Variants in ANKS1B observed in about 807,000 individuals in gnomAD.
ANKS1B encodes ankyrin repeat and sterile alpha motif domain-containing protein 1B.
A neutral mutation model predicts 148.3 loss-of-function variants in ANKS1B; 36 were observed. The observed-to-expected ratio is 0.24, with a 90% CI of 0.19 to 0.32. The LOEUF (loss-of-function observed/expected upper bound fraction) is 0.32. Ranked by LOEUF, ANKS1B falls within the 10% of genes least tolerant of loss-of-function variation. The pLI is 1.00. For missense variants in ANKS1B, 1,157 were observed against 1,542.6 expected (o/e 0.75, Z 4.19); for synonymous variants, 542 against 560.8 (o/e 0.97, Z 0.47).
At chr12:98,811,202 C>A (rs1296847960) in intron 19 of ANKS1B, among the ~76,000 whole-genome samples, 1 of 152,174 alleles carries the variant, frequency 6.6e-6, no homozygotes, top group Non-Finnish European at 1.5e-5. Context: ...GCAGGTCCTC[C>A]CACTGCACAG....
At chr12:99,807,160 A>C (rs937019296) in intron 3 of ANKS1B, among the ~76,000 whole-genome samples, 5 of 152,242 alleles carry the variant, frequency 3.3e-5, no homozygotes, top group Non-Finnish European at 7.3e-5. Flanking sequence ...TTCCCAAATT[A>C]AGTTTCATTT....
intron 17 of ANKS1B, among the ~76,000 whole-genome samples, chr12:99,027,320 C>G (rs188943153): frequency 6.6e-6 from 1 of 152,134 alleles, no homozygotes; most frequent in African/African-American, 2.4e-5. Flanking sequence ...TTTAAGCACA[C>G]AGTAAAAAAC....
At chr12:98,901,794 T>C (rs1417863415) in intron 17 of ANKS1B, among the ~76,000 whole-genome samples, 1 of 152,118 alleles carries the variant, frequency 6.6e-6, no homozygotes, top group Non-Finnish European at 1.5e-5. Context: ...TGGGAAAGGC[T>C]CTCTGGGTGG....
intron 12 of ANKS1B, among the ~76,000 whole-genome samples, chr12:99,283,141 T>C (rs956780359): frequency 6.6e-6 from 1 of 152,052 alleles, no homozygotes; most frequent in African/African-American, 2.4e-5. Context: ...AAGTGAAAAA[T>C]ACAGAAAATA....
At chr12:98,947,213 A>T (rs1318391253) in intron 17 of ANKS1B, among the ~76,000 whole-genome samples, 1 of 152,184 alleles carries the variant, frequency 6.6e-6, no homozygotes, top group Non-Finnish European at 1.5e-5. Context: ...GGGGAACCAC[A>T]GAAGGCTTTT....
At chr12:99,904,989 C>G (rs2153776912) in intron 1 of ANKS1B, among the ~76,000 whole-genome samples, 1 of 152,208 alleles carries the variant, frequency 6.6e-6, no homozygotes, top group Non-Finnish European at 1.5e-5. Context: ...ATTTGTTGAA[C>G]TAAAAGAAAA....
Position 99,016,030 on chromosome 12 carries a change from A to T in ANKS1B, c.2778+37127T>A, listed in dbSNP as rs1343534687. 2.6e-5 allele frequency among the ~76,000 whole-genome samples: 4 copies of T among 152,234 alleles called. No individual in the cohort carries two copies. The East Asian group carries it at 7.7e-4, about 29-fold the overall frequency. On this transcript the variant is annotated intron_variant, in intron 17 of 26. Transcript: ENST00000683438. The stretch of plus-strand genomic sequence containing the variant: ...TCCTAATAGAACTATACCAGGCTTT[A>T]CATGATTGGTAGTCTTCGTTCTTCA...
intron 14 of ANKS1B, among the ~76,000 whole-genome samples, chr12:99,189,461 C>T (rs1161262958): frequency 6.6e-6 from 1 of 152,104 alleles, no homozygotes; most frequent in Non-Finnish European, 1.5e-5. Flanking sequence ...ACTGGCAAAC[C>T]GAATCCAGCA....
intron 17 of ANKS1B, among the ~76,000 whole-genome samples, chr12:98,844,204 T>A (rs185416557): frequency 6.0e-4 from 92 of 152,358 alleles, no homozygotes; most frequent in African/African-American, 2.2e-3. Flanking sequence ...CGTCTCTCAG[T>A]ATCACCTAAC....
chr12:99,273,845 A>T (rs1421738354), intron 12 of ANKS1B, among the ~76,000 whole-genome samples: 1 of 151,986 alleles, frequency 6.6e-6, no homozygotes, highest in Non-Finnish European at 1.5e-5. Context: ...TCGGCCTCCC[A>T]AAGTGCTGGG....
In ANKS1B at chr12:99,203,730, C is replaced by T. The variant is rs1352007943; in HGVS notation, c.2419+40612G>A. On this transcript the variant is annotated intron_variant, in intron 14 of 26. Coordinates refer to ENST00000683438, the MANE Select transcript of ANKS1B (RefSeq NM_001352186.2). ...CCTCCCAAAGTGCTGGGATTACAGG[C>T]GTGAGCCACTGCACCCGGCCAAGAC... 2.6e-5 allele frequency among the ~76,000 whole-genome samples: 4 copies of T among 152,182 alleles called. No homozygotes were observed. In the East Asian group the frequency reaches 5.8e-4, roughly 22 times the overall value.
chr12:98,940,539 G>C (rs2099835104), intron 17 of ANKS1B, among the ~76,000 whole-genome samples: 1 of 152,112 alleles, frequency 6.6e-6, no homozygotes, highest in Non-Finnish European at 1.5e-5. Context: ...GTAGCTTCCT[G>C]TGCTTGTCTC....
intron 17 of ANKS1B, among the ~76,000 whole-genome samples, chr12:98,993,030 T>C (rs2099927537): frequency 1.3e-5 from 2 of 152,252 alleles, no homozygotes; most frequent in South Asian, 2.1e-4. Flanking sequence ...TATTTGTATA[T>C]AAGAGAATAT....
At chr12:99,068,026 T>A (rs1361935178) in intron 16 of ANKS1B, among the ~76,000 whole-genome samples, 1 of 152,146 alleles carries the variant, frequency 6.6e-6, no homozygotes, top group Non-Finnish European at 1.5e-5. Context: ...TTAGTAGTTA[T>A]TATTTATTTA....
intron 8 of ANKS1B, among the ~76,000 whole-genome samples, chr12:99,674,439 AAAG>A (rs1401948859): frequency 6.6e-6 from 1 of 151,860 alleles, no homozygotes; most frequent in Non-Finnish European, 1.5e-5. Flanking sequence ...CTATAAAATA[AAAG>A]AAAGAAGAGA....
At chr12:99,461,365 A>T (rs1413771918) in intron 10 of ANKS1B, among the ~76,000 whole-genome samples, 1 of 152,170 alleles carries the variant, frequency 6.6e-6, no homozygotes, top group East Asian at 1.9e-4. Flanking sequence ...AATCTCAGAA[A>T]TCACCACTAA....
At chr12:99,327,245 T>A (rs12581236) in intron 12 of ANKS1B, among the ~76,000 whole-genome samples, 11,453 of 108,956 alleles carry the variant, frequency 0.11, 1,636 homozygotes, top group African/African-American at 0.33. Flanking sequence ...ATAATTATAA[T>A]TTATTATAAT....
Position 99,194,079 on chromosome 12 carries a change from C to T in ANKS1B, c.2420-39684G>A, listed in dbSNP as rs139421730. 2.9e-3 allele frequency among the ~76,000 whole-genome samples: 443 copies of T among 152,098 alleles called. 5 individuals are homozygous for T. Among genetic ancestry groups the T allele is most frequent in the African/African-American group, 9.4e-3 (389 of 41,492 alleles). ...CCTCTCAAAGTGCTGGGATTACAGGCATGAGCCACTGCACCCAGCCATATT... is the reference window on the plus strand; with the variant it reads ...CCTCTCAAAGTGCTGGGATTACAGGTATGAGCCACTGCACCCAGCCATATT... On this transcript the variant is annotated intron_variant, in intron 14 of 26. Coordinates refer to ENST00000683438, the MANE Select transcript of ANKS1B (RefSeq NM_001352186.2).
intron 12 of ANKS1B, among the ~76,000 whole-genome samples, chr12:99,303,441 A>AG (rs1477510953): frequency 6.6e-6 from 1 of 152,122 alleles, no homozygotes; most frequent in Non-Finnish European, 1.5e-5. Flanking sequence ...ATATTTATTG[A>AG]GGTTGTACTA....
Sources: allele counts gnomAD v4.1 joint callset (sites outside exome capture counted in the v4.1 genomes callset), GRCh38; gene constraint gnomAD v4.1.1; transcripts MANE v1.5; gene names NCBI Gene and HGNC (gene_info 2026-07-23, HGNC 2026-07-21).